Variants in RBFOX1 observed in about 807,000 individuals in gnomAD.
RBFOX1 encodes the protein RNA binding fox-1 homolog 1.
Under a neutral mutation model 57.7 loss-of-function variants are expected in RBFOX1, and 8 were observed. The observed-to-expected ratio is 0.14, with a 90% CI of 0.08 to 0.25. The LOEUF (loss-of-function observed/expected upper bound fraction) is 0.25. RBFOX1 is among the 10% of genes least tolerant of loss of function. The probability of loss-of-function intolerance (pLI) is 1.00; values close to 1 mark genes in which losing one functional copy is unlikely to be tolerated. For synonymous variants in RBFOX1, 326 were observed against 222.4 expected (o/e 1.47, Z -4.15); for missense variants, 611 against 548.5 (o/e 1.11, Z -1.14).
rs552334051 is a variant in RBFOX1 at position 6,394,246 on chromosome 16, T to A, written c.-64+77189T>A. On this transcript the variant is annotated intron_variant, in intron 2 of 15. Coordinates refer to ENST00000550418, the MANE Select transcript of RBFOX1 (RefSeq NM_018723.4). ...GCTTAATTTCATAGTGTTTGTTTGC[T>A]CATCTGAAAACAAAAGGGATAATGC... is the stretch of plus-strand genomic sequence containing the variant. 3.9e-5 allele frequency among the ~76,000 whole-genome samples: 6 copies of A among 152,330 alleles called. No homozygotes were observed. In the East Asian group the frequency reaches 1.2e-3, roughly 29 times the overall value.
intron 2 of RBFOX1, among the ~76,000 whole-genome samples, chr16:6,644,295 A>G (rs1568017486): frequency 6.6e-6 from 1 of 152,226 alleles, no homozygotes; most frequent in Non-Finnish European, 1.5e-5. Context: ...AAAGGAGACC[A>G]TCTGTAATGT....
chr16:7,170,334 G>A (rs996366678), intron 4 of RBFOX1, among the ~76,000 whole-genome samples: 7 of 152,060 alleles, frequency 4.6e-5, no homozygotes, highest in African/African-American at 1.7e-4. Flanking sequence ...GTGCAGTGGA[G>A]CAGTCACAGC....
intron 2 of RBFOX1, among the ~76,000 whole-genome samples, chr16:6,414,076 C>G (rs888705097): frequency 6.6e-6 from 1 of 152,114 alleles, no homozygotes. Context: ...CAAGAACACC[C>G]AAGTACTGTG....
At chr16:7,517,901 G>A (rs1052717644) in intron 4 of RBFOX1, among the ~76,000 whole-genome samples, 4 of 151,638 alleles carry the variant, frequency 2.6e-5, no homozygotes, top group Non-Finnish European at 5.9e-5. Context: ...CTTGGAAAAA[G>A]CGACTTTATC....
chr16:7,020,462 A>G (rs966279924), intron 3 of RBFOX1, among the ~76,000 whole-genome samples: 3 of 152,032 alleles, frequency 2.0e-5, no homozygotes, highest in African/African-American at 7.2e-5. Flanking sequence ...CTTGTCATCC[A>G]CCTGCCTCAA....
intron 1 of RBFOX1, among the ~76,000 whole-genome samples, chr16:6,158,536 A>G (rs2096854769): frequency 1.3e-5 from 2 of 152,182 alleles, no homozygotes; most frequent in Admixed American, 6.5e-5. Context: ...AGTGAAACTT[A>G]CTGTCATTTT....
At chr16:6,386,589 G>A (rs145611962) in intron 2 of RBFOX1, among the ~76,000 whole-genome samples, 78 of 152,294 alleles carry the variant, frequency 5.1e-4, no homozygotes, top group Middle Eastern at 3.4e-3. Flanking sequence ...AATAAATAAA[G>A]CCATCACAGG....
chr16:6,748,477 A>T (rs2074249314), intron 3 of RBFOX1, among the ~76,000 whole-genome samples: 1 of 152,128 alleles, frequency 6.6e-6, no homozygotes, highest in Non-Finnish European at 1.5e-5. Flanking sequence ...CCTGGGCAAC[A>T]TAACAAGATC....
At chr16:5,966,717 G>A (rs535729292) in intron 4 of RBFOX1, among the ~76,000 whole-genome samples, 1 of 152,094 alleles carries the variant, frequency 6.6e-6, no homozygotes, top group Non-Finnish European at 1.5e-5. Flanking sequence ...CAAGAGGATG[G>A]TGCTAAAATC....
At chr16:5,853,660 T>G (rs114201576) in intron 3 of RBFOX1, among the ~76,000 whole-genome samples, 6 of 152,320 alleles carry the variant, frequency 3.9e-5, no homozygotes, top group African/African-American at 1.4e-4. Context: ...TGGTCTAGCT[T>G]AACAGAGTTC....
chr16:7,000,596 C>CTTTCT (rs2092697254), intron 3 of RBFOX1, among the ~76,000 whole-genome samples: 13 of 92,564 alleles, frequency 1.4e-4, no homozygotes, highest in Non-Finnish European at 2.0e-4. Context: ...CTTTTTCTTT[C>CTTTCT]TTTTTTTTTT....
chr16:5,813,197 G>A (rs1003178634), intron 3 of RBFOX1, among the ~76,000 whole-genome samples: 2 of 151,916 alleles, frequency 1.3e-5, no homozygotes, highest in Admixed American at 1.3e-4. Flanking sequence ...TAGTAGAGAC[G>A]GGGTTTCACC....
chr16:5,373,517 C>A (rs1443144470), intron 1 of RBFOX1, among the ~76,000 whole-genome samples: 1 of 152,152 alleles, frequency 6.6e-6, no homozygotes, highest in Non-Finnish European at 1.5e-5. Flanking sequence ...TCCCTCTTTG[C>A]CTTCCACCCC....
chr16:5,732,689 A>G (rs1376004378), intron 3 of RBFOX1, among the ~76,000 whole-genome samples: 1 of 152,226 alleles, frequency 6.6e-6, no homozygotes, highest in Non-Finnish European at 1.5e-5. Context: ...CTAAGATCAC[A>G]TCTATCCATT....
intron 1 of RBFOX1, among the ~76,000 whole-genome samples, chr16:6,047,579 A>C (rs1318901790): frequency 6.6e-6 from 1 of 152,216 alleles, no homozygotes; most frequent in Non-Finnish European, 1.5e-5. Flanking sequence ...ACAACAATAC[A>C]GAGAAGAAAA....
At chr16:6,629,485 A>T (rs1280986211) in intron 2 of RBFOX1, among the ~76,000 whole-genome samples, 1 of 152,236 alleles carries the variant, frequency 6.6e-6, no homozygotes, top group Non-Finnish European at 1.5e-5. Context: ...AGTTGGGATC[A>T]GCTGTCTTCA....
chr16:5,796,782 T>G (rs1485967735), intron 3 of RBFOX1, among the ~76,000 whole-genome samples: 1 of 152,210 alleles, frequency 6.6e-6, no homozygotes, highest in Non-Finnish European at 1.5e-5. Context: ...CCAGCTCTGT[T>G]TGCTTCCAAA....
chr16:5,683,436 C>A (rs1404103175), intron 3 of RBFOX1, among the ~76,000 whole-genome samples: 1 of 151,804 alleles, frequency 6.6e-6, no homozygotes, highest in Non-Finnish European at 1.5e-5. Flanking sequence ...GTGGGTGTCG[C>A]CAAAAGAGAT....
intron 12 of RBFOX1, among the ~76,000 whole-genome samples, chr16:7,654,796 G>C (rs569550710): frequency 6.6e-6 from 1 of 152,284 alleles, no homozygotes; most frequent in Non-Finnish European, 1.5e-5. Flanking sequence ...CATTTGCAAG[G>C]TCTAGAGACA....
Sources: allele counts gnomAD v4.1 joint callset (sites outside exome capture counted in the v4.1 genomes callset), GRCh38; gene constraint gnomAD v4.1.1; transcripts MANE v1.5; gene names NCBI Gene and HGNC (gene_info 2026-07-23, HGNC 2026-07-21).